DGKB: variants seen among roughly 807,000 people sequenced by gnomAD.
The protein encoded by DGKB is diacylglycerol kinase beta.
DGKB carries 67 observed loss-of-function variants against 114.3 expected under a neutral mutation model. That is an observed-to-expected ratio of 0.59 (90% CI 0.48 to 0.72). The LOEUF is 0.72. DGKB is among the 30% of genes least tolerant of loss of function. The pLI is 0.00. For synonymous variants in DGKB, 398 were observed against 323.1 expected (o/e 1.23, Z -2.49); for missense variants, 907 against 975.2 (o/e 0.93, Z 0.93).
Position 14,153,722 on chromosome 7 carries a change from G to A in DGKB, c.2305-4484C>T, listed in dbSNP as rs566019970. On this transcript the variant is annotated intron_variant, in intron 25 of 25. Transcript: ENST00000402815. The stretch of plus-strand genomic sequence containing the variant: ...ATTATTGTAAAATTTCAAAGTGAAG[G>A]GATAAAAAGAAGATTCTAAATGTCC... 1.8e-4 allele frequency among the ~76,000 whole-genome samples: 27 copies of A among 151,392 alleles called. 1 individual carries two copies. Among genetic ancestry groups the A allele is most frequent in the African/African-American group, 1.5e-4 (6 of 41,196 alleles).
intron 23 of DGKB, among the ~76,000 whole-genome samples, chr7:14,267,550 G>A (rs1033010144): frequency 5.3e-5 from 8 of 151,146 alleles, no homozygotes; most frequent in Admixed American, 5.3e-4. Flanking sequence ...GTGCAGTGGT[G>A]CCATCTCGGC....
At chr7:14,495,586 C>T (rs376411114) in intron 20 of DGKB, among the ~76,000 whole-genome samples, 149 of 151,664 alleles carry the variant, frequency 9.8e-4, no homozygotes, top group African/African-American at 3.3e-3. Flanking sequence ...ATAATGAAAC[C>T]CTTCATTTAT....
intron 1 of DGKB, among the ~76,000 whole-genome samples, chr7:14,848,978 T>A (rs933529650): frequency 2.0e-5 from 3 of 151,988 alleles, no homozygotes; most frequent in African/African-American, 7.2e-5. Flanking sequence ...TTTTCCCCTT[T>A]TTGTGTTTCA....
intron 21 of DGKB, among the ~76,000 whole-genome samples, chr7:14,436,527 G>A (rs71538876): frequency 6.6e-6 from 1 of 151,838 alleles, no homozygotes; most frequent in African/African-American, 2.4e-5. Context: ...GTCCACTTGG[G>A]GACAAGTTGC....
At chr7:14,354,483 A>G (rs962359042) in intron 21 of DGKB, among the ~76,000 whole-genome samples, 2 of 152,196 alleles carry the variant, frequency 1.3e-5, no homozygotes, top group African/African-American at 4.8e-5. Context: ...CAGTACTGTT[A>G]TAAGAATTGG....
At chr7:14,164,568 A>G (rs2024038) in intron 25 of DGKB, among the ~76,000 whole-genome samples, 125,518 of 152,228 alleles carry the variant, frequency 0.82, 51,814 homozygotes, top group East Asian at 0.94. Context: ...GTTTTAACAT[A>G]ATTTTCTTTT....
chr7:14,738,941 A>G (rs1215366923), intron 4 of DGKB, among the ~76,000 whole-genome samples: 1 of 152,206 alleles, frequency 6.6e-6, no homozygotes, highest in Non-Finnish European at 1.5e-5. Flanking sequence ...GAATAAAGCA[A>G]TTGTGTTTCA....
At chr7:14,338,165 C>A (rs1811011795) in intron 23 of DGKB, among the ~76,000 whole-genome samples, 1 of 152,120 alleles carries the variant, frequency 6.6e-6, no homozygotes, top group Admixed American at 6.6e-5. Context: ...AAAGCCTTAA[C>A]TACGTCCTTA....
chr7:14,679,106 C>G (rs1295634602), intron 12 of DGKB, among the ~76,000 whole-genome samples: 1 of 151,860 alleles, frequency 6.6e-6, no homozygotes, highest in Non-Finnish European at 1.5e-5. Flanking sequence ...AGGTGCTGTT[C>G]TGACTCAGAC....
chr7:14,806,165 C>A (rs1192662045), intron 2 of DGKB, among the ~76,000 whole-genome samples: 1 of 151,866 alleles, frequency 6.6e-6, no homozygotes, highest in African/African-American at 2.4e-5. Context: ...CTTGTTATGA[C>A]TCTAGCTTAA....
At chr7:14,575,116 T>G (rs1227116177) in intron 19 of DGKB, among the ~76,000 whole-genome samples, 1 of 152,100 alleles carries the variant, frequency 6.6e-6, no homozygotes, top group Non-Finnish European at 1.5e-5. Context: ...CAGAGTAATA[T>G]TCCCTGTTTA....
chr7:14,430,741 A>G (rs1418360350), intron 21 of DGKB, among the ~76,000 whole-genome samples: 1 of 152,206 alleles, frequency 6.6e-6, no homozygotes, highest in African/African-American at 2.4e-5. Context: ...TCCACATTTT[A>G]TATATAACTA....
intron 1 of DGKB, among the ~76,000 whole-genome samples, chr7:14,863,599 A>G (rs971102437): frequency 2.6e-5 from 4 of 152,094 alleles, no homozygotes; most frequent in Non-Finnish European, 5.9e-5. Flanking sequence ...ATGAATTAAA[A>G]TATAGTTTAA....
At chr7:14,246,488 A>G (rs17168019) in intron 23 of DGKB, among the ~76,000 whole-genome samples, 14,681 of 152,110 alleles carry the variant, frequency 0.097, 1,042 homozygotes, top group African/African-American at 0.2. Flanking sequence ...GGCTGACAAT[A>G]CTTAAATCCA....
chr7:14,603,051 C>T (rs1803846227), intron 17 of DGKB, among the ~76,000 whole-genome samples: 2 of 152,072 alleles, frequency 1.3e-5, no homozygotes. Flanking sequence ...TACAATGACT[C>T]AAAGGGGGAA....
chr7:14,382,539 C>T (rs1249202427), intron 21 of DGKB, among the ~76,000 whole-genome samples: 1 of 152,068 alleles, frequency 6.6e-6, no homozygotes, highest in Non-Finnish European at 1.5e-5. Context: ...ACACTTGATC[C>T]TATTCACAGG....
At chr7:14,773,408 A>G (rs969716741) in intron 2 of DGKB, among the ~76,000 whole-genome samples, 2 of 152,176 alleles carry the variant, frequency 1.3e-5, no homozygotes, top group Admixed American at 1.3e-4. Context: ...AATGTGTTCG[A>G]TTCAGATAAT....
intron 5 of DGKB, among the ~76,000 whole-genome samples, chr7:14,729,326 G>A (rs113681380): frequency 0.013 from 1,949 of 151,362 alleles, 35 homozygotes; most frequent in African/African-American, 0.044. Flanking sequence ...GTTTCACCGT[G>A]TTAGCCAGGA....
chr7:14,674,940 G>A (rs903081781), intron 12 of DGKB, among the ~76,000 whole-genome samples: 6 of 152,028 alleles, frequency 3.9e-5, no homozygotes, highest in African/African-American at 1.4e-4. Flanking sequence ...ATGACATTTT[G>A]TTACAGCAGC....
Sources: allele counts gnomAD v4.1 joint callset (sites outside exome capture counted in the v4.1 genomes callset), GRCh38; gene constraint gnomAD v4.1.1; transcripts MANE v1.5; gene names NCBI Gene and HGNC (gene_info 2026-07-23, HGNC 2026-07-21).